The following DYNC2H1 variants were observed in gnomAD, a reference collection of about 807,000 sequenced individuals.
The protein encoded by DYNC2H1 is dynein cytoplasmic 2 heavy chain 1.
Under a neutral mutation model 570.0 loss-of-function variants are expected in DYNC2H1, and 410 were observed. The observed-to-expected ratio is 0.72, with a 90% CI of 0.66 to 0.78. The LOEUF (loss-of-function observed/expected upper bound fraction) is 0.78, where lower values mean the gene tolerates loss of function less well. Among genes scored for constraint, DYNC2H1 ranks in the 30% least tolerant of loss-of-function variants. The pLI, the probability that DYNC2H1 is intolerant of heterozygous loss-of-function variation, is 0.00. For missense variants in DYNC2H1, 4,865 were observed against 5,046.4 expected (o/e 0.96, Z 1.09); for synonymous variants, 1,688 against 1,677.6 (o/e 1.01, Z -0.15).
intron 83 of DYNC2H1, among the ~76,000 whole-genome samples, chr11:103,391,923 C>T (rs1159815094): frequency 6.6e-6 from 1 of 152,134 alleles, no homozygotes; most frequent in East Asian, 1.9e-4. Context: ...GGGTGCCTCC[C>T]AGTTAGGCTA....
intron 84 of DYNC2H1, among the ~76,000 whole-genome samples, chr11:103,406,062 CA>C (rs1311166620): frequency 3.3e-5 from 5 of 151,960 alleles, no homozygotes; most frequent in African/African-American, 1.2e-4. Flanking sequence ...TGAATTCCAC[CA>C]ATCTAGCAAG....
rs189246489 is a variant in DYNC2H1 at position 103,245,229 on chromosome 11, G to A, written c.9919-22G>A. ...ATTAAAGTAATTAAATAATTAATAC[G>A]TATTCTTTTTTATTCAATTAGGATA... is the stretch of plus-strand genomic sequence containing the variant. On this transcript the variant is annotated intron_variant, in intron 64 of 88. Transcript: ENST00000375735. The surrounding 1 kb of genome is among the most constrained non-coding windows in gnomAD (Gnocchi z 4.5). 1.6e-5 allele frequency: 23 copies of A among 1,467,018 alleles called. No homozygotes were observed. Among genetic ancestry groups the A allele is most frequent in the Middle Eastern group, 2.1e-4 (1 of 4,812 alleles). The allele number at this position is 1,467,018 out of a possible 1,614,324, so 90.9% of individuals were successfully genotyped here. A position where few individuals can be genotyped will look rare whatever the true frequency, so the allele number is the denominator to read the frequency against.
intron 84 of DYNC2H1, among the ~76,000 whole-genome samples, chr11:103,426,728 T>C (rs936233029): frequency 6.6e-6 from 1 of 152,194 alleles, no homozygotes; most frequent in Non-Finnish European, 1.5e-5. Context: ...ATCAAAAATA[T>C]AACAAACTAA....
At chr11:103,262,675 C>T (rs762252898) in intron 70 of DYNC2H1, among the ~76,000 whole-genome samples, 7 of 152,084 alleles carry the variant, frequency 4.6e-5, no homozygotes, top group African/African-American at 7.2e-5. Flanking sequence ...ACTACCAGGC[C>T]TGCCTTACAA....
intron 50 of DYNC2H1, among the ~76,000 whole-genome samples, chr11:103,202,293 G>A (rs1300072888): frequency 4.2e-5 from 2 of 47,156 alleles, no homozygotes; most frequent in Non-Finnish European, 7.1e-5. Flanking sequence ...CAGAAACACA[G>A]ATTTTTTTTT....
chr11:103,150,772 A>G (rs149235302), intron 20 of DYNC2H1, among the ~76,000 whole-genome samples: 3 of 152,192 alleles, frequency 2.0e-5, no homozygotes, highest in Non-Finnish European at 4.4e-5. Flanking sequence ...CAAAGGACAT[A>G]AATGGAGTGG....
At chr11:103,131,427 A>G (rs989279609) in intron 13 of DYNC2H1, among the ~76,000 whole-genome samples, 3 of 152,112 alleles carry the variant, frequency 2.0e-5, no homozygotes, top group African/African-American at 7.2e-5. Context: ...AGCTGGCACT[A>G]CAGGTGCCCA....
chr11:103,469,393 T>C (rs940724326), intron 88 of DYNC2H1, among the ~76,000 whole-genome samples: 2 of 152,214 alleles, frequency 1.3e-5, no homozygotes, highest in Non-Finnish European at 2.9e-5. Context: ...AATGCACATA[T>C]GACTACATGT....
intron 70 of DYNC2H1, among the ~76,000 whole-genome samples, chr11:103,269,907 G>A (rs1313928957): frequency 6.6e-6 from 1 of 152,010 alleles, no homozygotes; most frequent in Non-Finnish European, 1.5e-5. Context: ...TACAGAAAAT[G>A]GTTGGAGCTG....
chr11:103,437,060 C>T (rs539833191), intron 85 of DYNC2H1, among the ~76,000 whole-genome samples: 182 of 152,100 alleles, frequency 1.2e-3, no homozygotes, highest in Non-Finnish European at 2.1e-3. Context: ...GCCCTGAGCA[C>T]TGCTCCTGTA....
chr11:103,288,894 AAAG>A (rs1284689207), intron 75 of DYNC2H1, among the ~76,000 whole-genome samples: 6 of 150,258 alleles, frequency 4.0e-5, no homozygotes, highest in South Asian at 2.1e-4. Flanking sequence ...AAAAAAAAAA[AAAG>A]AAAGAAAATT....
At chr11:103,251,025 C>T (rs1864808720) in intron 65 of DYNC2H1, among the ~76,000 whole-genome samples, 2 of 151,950 alleles carry the variant, frequency 1.3e-5, no homozygotes, top group Non-Finnish European at 2.9e-5. Context: ...ATTTAATTTT[C>T]TGTACAGGTT....
chr11:103,140,462 C>T (rs1859843558), intron 17 of DYNC2H1, among the ~76,000 whole-genome samples: 1 of 152,114 alleles, frequency 6.6e-6, no homozygotes, highest in Non-Finnish European at 1.5e-5. Context: ...ATTTCTCCTT[C>T]ACTTATGAAG....
chr11:103,122,860 A>G lies in DYNC2H1; in HGVS notation c.1521A>G (p.Leu507=). The G allele has an allele frequency of 1.2e-6, 2 of 1,613,256 alleles. No individual in the cohort carries two copies. Among genetic ancestry groups the G allele is most frequent in the Non-Finnish European group, 1.7e-6 (2 of 1,179,550 alleles). Residue 507 remains leucine (L), a synonymous_variant, in exon 11 of 89, where the codon TTA becomes TTG. Transcript: ENST00000375735. ...DDTIKIAEAL[L]SDLPGFRCFH... is the part of the protein sequence containing the mutation. ...CTATCAAGATTGCAGAGGCTCTTTT[A>G]TCTGACTTGCCAGGATTTCGATGTT...
chr11:103,116,810 G>A (rs911783064), intron 5 of DYNC2H1, 96 bp downstream of exon 5: 11 of 1,077,398 alleles, frequency 1.0e-5, no homozygotes, highest in Non-Finnish European at 1.4e-5. Flanking sequence ...GCTCCTTTAT[G>A]TAATACTGTA....
chr11:103,306,886 C>G (rs1867310031), intron 77 of DYNC2H1, among the ~76,000 whole-genome samples: 1 of 152,086 alleles, frequency 6.6e-6, no homozygotes, highest in Non-Finnish European at 1.5e-5. Flanking sequence ...TGTACCTGCT[C>G]TCTGGGAACT....
chr11:103,343,319 C>A (rs1939570016), intron 82 of DYNC2H1, among the ~76,000 whole-genome samples: 2 of 152,314 alleles, frequency 1.3e-5, no homozygotes, highest in African/African-American at 2.4e-5. Context: ...GCCTGTCAGA[C>A]AAACTTCCTC....
At chr11:103,262,215 C>A (rs1013542078) in intron 70 of DYNC2H1, among the ~76,000 whole-genome samples, 1 of 152,156 alleles carries the variant, frequency 6.6e-6, no homozygotes, top group African/African-American at 2.4e-5. Flanking sequence ...AAGACTAAAT[C>A]TGCATTTGAT....
chr11:103,320,216 C>T (rs1591572905), intron 80 of DYNC2H1, among the ~76,000 whole-genome samples: 1 of 152,022 alleles, frequency 6.6e-6, no homozygotes, highest in Admixed American at 6.6e-5. Context: ...TCCTCCTGAC[C>T]AACATGGTGA....
Sources: gnomAD v4.1 joint callset for allele counts (sites outside exome capture counted in the v4.1 genomes callset) on GRCh38, gnomAD v4.1.1 for gene constraint, Gnocchi (gnomAD v3.1) non-coding constraint, MANE v1.5 for transcripts, NCBI Gene and HGNC (gene_info 2026-07-23, HGNC 2026-07-21) for gene names.